Variants in ERI3 observed in about 807,000 individuals in gnomAD.
ERI3 encodes the protein ERI1 exoribonuclease family member 3.
In ERI3, 18 loss-of-function variants were observed where a neutral mutation model predicts 44.4. The observed-to-expected ratio is 0.41, with a 90% CI of 0.28 to 0.60. ERI3 has a LOEUF of 0.60. Among genes scored for constraint, ERI3 ranks in the 20% least tolerant of loss-of-function variants. The probability of loss-of-function intolerance (pLI) is 0.36; values close to 1 mark genes in which losing one functional copy is unlikely to be tolerated. For missense variants in ERI3, 294 were observed against 435.5 expected, an observed-to-expected ratio of 0.68 and a Z score of 2.89; for synonymous variants, 183 against 164.8, an observed-to-expected ratio of 1.11 and a Z score of -0.84.
intron 3 of ERI3, among the ~76,000 whole-genome samples, chr1:44,336,079 A>G (rs1451052367): frequency 6.6e-6 from 1 of 152,134 alleles, no homozygotes; most frequent in Non-Finnish European, 1.5e-5. Flanking sequence ...ACTATAATCA[A>G]TTTATTTTCT....
At chr1:44,301,602 G>A (rs1572223572) in intron 6 of ERI3, among the ~76,000 whole-genome samples, 1 of 152,276 alleles carries the variant, frequency 6.6e-6, no homozygotes, top group South Asian at 2.1e-4. Context: ...CCAGGCATCC[G>A]TCTGACACAA....
chr1:44,287,146 T>C (rs1474860494), intron 6 of ERI3, among the ~76,000 whole-genome samples: 1 of 152,182 alleles, frequency 6.6e-6, no homozygotes, highest in Non-Finnish European at 1.5e-5. Context: ...TCAAGCAAGA[T>C]GACAGCTGAG....
Position 44,324,870 on chromosome 1 carries a change from C to T in ERI3, c.490-5126G>A, listed in dbSNP as rs143219215. ...CTGCCAACGGTGGATGAAAACTGGC[C>T]ATAACTTAACAGCTAAGAACAAAAG... On this transcript the variant is annotated intron_variant, in intron 3 of 8. Coordinates refer to ENST00000372257, the MANE Select transcript of ERI3 (RefSeq NM_024066.3). Among the ~76,000 whole-genome samples the T allele has an allele frequency of 5.5e-4, 83 of 152,224 alleles. No individual in the cohort carries two copies. In the East Asian group the frequency reaches 0.015, roughly 28 times the overall value.
chr1:44,246,556 C>T, intron 8 of ERI3, among the ~76,000 whole-genome samples: 1 of 152,228 alleles, frequency 6.6e-6, no homozygotes, highest in East Asian at 1.9e-4. Flanking sequence ...GATGTCCCAA[C>T]AAGAATATGG....
chr1:44,293,217 T>C (rs1572205253), intron 6 of ERI3, among the ~76,000 whole-genome samples: 1 of 152,106 alleles, frequency 6.6e-6, no homozygotes, highest in East Asian at 1.9e-4. Flanking sequence ...CAGAAAGGGG[T>C]GGGGCAAGCC....
chr1:44,254,490 C>T (rs1644743786), intron 7 of ERI3, among the ~76,000 whole-genome samples: 1 of 152,202 alleles, frequency 6.6e-6, no homozygotes, highest in Admixed American at 6.5e-5. Flanking sequence ...CCACCCATCC[C>T]CCAATTTTTA....
In ERI3 at chr1:44,252,261, C is replaced by T. The variant is rs1200194192; in HGVS notation, c.832-4223G>A. 1.3e-5 allele frequency among the ~76,000 whole-genome samples: 2 copies of T among 152,240 alleles called. No homozygotes were observed. Among genetic ancestry groups the T allele is most frequent in the Non-Finnish European group, 2.9e-5 (2 of 68,030 alleles). On this transcript the variant is annotated intron_variant, in intron 7 of 8. Transcript: ENST00000372257. This position sits in a 1 kb window ranked among gnomAD's most constrained non-coding sequence, Gnocchi z 4.7. Reference sequence around the variant, plus strand: ...ACCTCAGCCCTGTGCCAGGCAGGCACGCACACACGCTTCCCTTCCCCTGGG... The same window carrying T: ...ACCTCAGCCCTGTGCCAGGCAGGCATGCACACACGCTTCCCTTCCCCTGGG...
intron 2 of ERI3, among the ~76,000 whole-genome samples, chr1:44,342,828 T>TATATATATAA (rs1553201358): frequency 1.4e-3 from 27 of 18,764 alleles, no homozygotes; most frequent in African/African-American, 6.3e-3. Flanking sequence ...TATATATATA[T>TATATATATAA]ATATATATAT....
At position 44,252,434 on chromosome 1, in the gene ERI3, G is replaced by A. The variant is rs1348624779; in HGVS notation, c.832-4396C>T. Among the ~76,000 whole-genome samples the A allele has an allele frequency of 6.6e-5, 10 of 152,240 alleles. No individual in the cohort carries two copies. Among genetic ancestry groups the A allele is most frequent in the Non-Finnish European group, 7.3e-5 (5 of 68,034 alleles). On this transcript the variant is annotated intron_variant, in intron 7 of 8. Coordinates refer to ENST00000372257, the MANE Select transcript of ERI3 (RefSeq NM_024066.3). This position sits in a 1 kb window ranked among gnomAD's most constrained non-coding sequence, Gnocchi z 4.7. ...GGCCTGCCGCATAGCCCTGCTGTAG[G>A]TGCGGCGGGTGGCCCCCTGTGTAAC...
At chr1:44,225,356 C>G (rs1644011849) in intron 8 of ERI3, among the ~76,000 whole-genome samples, 1 of 152,176 alleles carries the variant, frequency 6.6e-6, no homozygotes, top group South Asian at 2.1e-4. Context: ...TCACTGCAAC[C>G]TCTGCCTCCA....
chr1:44,269,529 T>G (rs117933049), intron 7 of ERI3, among the ~76,000 whole-genome samples: 1,858 of 152,276 alleles, frequency 0.012, 72 homozygotes, highest in East Asian at 0.069. Flanking sequence ...CCTCCCCAAT[T>G]GGGTGAATGC....
Position 44,313,197 on chromosome 1 carries a change from C to G in ERI3, c.638G>C (p.Gly213Ala). Reference sequence around the variant, plus strand: ...CAGCACTTGCTGCAGGCTTGGCTGACCATCCACCATGGCTTGAATAATCCC... The same window carrying G: ...CAGCACTTGCTGCAGGCTTGGCTGAGCATCCACCATGGCTTGAATAATCCC... ...LTGIIQAMVD[G>A]QPSLQQVLER... The change falls in exon 5 of 9, where the codon GGT (glycine) becomes GCT (alanine). Residue 213 changes from glycine (G) to alanine (A), a missense_variant. By Grantham distance (60) the Gly-to-Ala change is moderately conservative. Transcript: ENST00000372257. 1 of 1,614,140 alleles carries G rather than the reference C, an allele frequency of 6.2e-7. No individual in the cohort carries two copies. Among genetic ancestry groups the G allele is most frequent in the Non-Finnish European group, 8.5e-7 (1 of 1,180,024 alleles).
rs72891778 is a variant in ERI3 at position 44,313,657 on chromosome 1, T to C, written c.607-429A>G. Among the ~76,000 whole-genome samples the C allele has an allele frequency of 8.3e-3, 1,263 of 152,194 alleles. 24 individuals carry two copies. Among genetic ancestry groups the C allele is most frequent in the African/African-American group, 0.029 (1,192 of 41,520 alleles). On this transcript the variant is annotated intron_variant, in intron 4 of 8. Transcript: ENST00000372257. Reference sequence around the variant, plus strand: ...TCCCGTAAAACTTGGGGAGTGCTCATACAGGAGAGGCACACTTGGTTTCAA... The same window carrying C: ...TCCCGTAAAACTTGGGGAGTGCTCACACAGGAGAGGCACACTTGGTTTCAA...
intron 7 of ERI3, among the ~76,000 whole-genome samples, chr1:44,274,509 AG>A (rs1005295079): frequency 1.7e-4 from 26 of 152,352 alleles, no homozygotes; most frequent in Non-Finnish European, 1.6e-4. Context: ...GGAAAAGCCC[AG>A]GCTAGGCACT....
rs1309263045 is a variant in ERI3, at chr1:44,228,860, C to T, written c.932-7220G>A. Reference sequence around the variant, plus strand: ...TGGCGAGGCAAAGGACATGATTGGTCCCAAATGCCAAAGATGATACCCAAG... The same window carrying T: ...TGGCGAGGCAAAGGACATGATTGGTTCCAAATGCCAAAGATGATACCCAAG... On this transcript the variant is annotated intron_variant, in intron 8 of 8. Coordinates refer to ENST00000372257, the MANE Select transcript of ERI3 (RefSeq NM_024066.3). This position sits in a 1 kb window ranked among gnomAD's most constrained non-coding sequence, Gnocchi z 4.3. Among the ~76,000 whole-genome samples, 2 of 152,206 alleles carry T rather than the reference C, an allele frequency of 1.3e-5. No individual in the cohort carries two copies. The highest frequency in any genetic ancestry group is 4.8e-5 in the African/African-American group (2 of 41,448).
At chr1:44,253,805 A>G (rs540145655) in intron 7 of ERI3, among the ~76,000 whole-genome samples, 2 of 152,234 alleles carry the variant, frequency 1.3e-5, no homozygotes, top group African/African-American at 4.8e-5. Flanking sequence ...CTCGGTGAAG[A>G]AAGAGAGAGG....
intron 4 of ERI3, among the ~76,000 whole-genome samples, chr1:44,315,097 G>A (rs1646059033): frequency 6.6e-6 from 1 of 152,206 alleles, no homozygotes; most frequent in African/African-American, 2.4e-5. Context: ...CTGGAGCTGA[G>A]GCTCAACATC....
At chr1:44,346,973 G>A (rs987287341) in intron 2 of ERI3, among the ~76,000 whole-genome samples, 10 of 152,014 alleles carry the variant, frequency 6.6e-5, no homozygotes, top group East Asian at 1.9e-4. Flanking sequence ...GCATTGTATC[G>A]ATGATTTACA....
intron 6 of ERI3, among the ~76,000 whole-genome samples, chr1:44,296,246 A>C (rs192080194): frequency 5.9e-5 from 9 of 152,228 alleles, no homozygotes; most frequent in African/African-American, 2.2e-4. Flanking sequence ...CAGCAATTAG[A>C]ATGCAGGGAG....
Sources: gnomAD v4.1 joint callset for allele counts (sites outside exome capture counted in the v4.1 genomes callset) on GRCh38, gnomAD v4.1.1 for gene constraint, Gnocchi (gnomAD v3.1) non-coding constraint, MANE v1.5 for transcripts, NCBI Gene and HGNC (gene_info 2026-07-23, HGNC 2026-07-21) for gene names.